Variants in DISP3 observed in about 807,000 individuals in gnomAD.
DISP3 encodes the protein protein dispatched homolog 3.
A neutral mutation model predicts 135.3 loss-of-function variants in DISP3; 101 were observed. The observed-to-expected ratio is 0.75, with a 90% CI of 0.64 to 0.88. DISP3 has a LOEUF of 0.88. DISP3 is among the 40% of genes least tolerant of loss of function. The pLI, the probability that DISP3 is intolerant of heterozygous loss-of-function variation, is 0.00. For synonymous variants in DISP3, 856 were observed against 817.0 expected (o/e 1.05, Z -0.81); for missense variants, 1,713 against 1,878.6 (o/e 0.91, Z 1.63).
rs371747443 is a variant in DISP3 at position 11,522,838 on chromosome 1, A to G, written c.2363-1104A>G. On this transcript the variant is annotated intron_variant, in intron 10 of 20. Coordinates refer to ENST00000294484, the MANE Select transcript of DISP3 (RefSeq NM_020780.2). ...AGGACCCAGCCAGAGCCCAGCCAGG[A>G]CCCAGCCAGAGCCCAGCCAGGACCC... is the stretch of plus-strand genomic sequence containing the variant. Among the ~76,000 whole-genome samples the G allele has an allele frequency of 7.0e-3, 201 of 28,860 alleles. 1 individual carries two copies. The highest frequency in any genetic ancestry group is 0.013 in the African/African-American group (107 of 7,950). 18.9% of individuals were successfully genotyped at this position (28,860 alleles called of 152,430 possible). A position where few individuals can be genotyped will look rare whatever the true frequency, so the allele number is the denominator to read the frequency against.
chr1:11,484,216 T>C (rs1298436218), intron 1 of DISP3, among the ~76,000 whole-genome samples: 1 of 152,192 alleles, frequency 6.6e-6, no homozygotes, highest in East Asian at 1.9e-4. Context: ...GGAGGTGCTC[T>C]GATTCCATTT....
At chr1:11,532,099 G>A (rs1017801428) in intron 17 of DISP3, among the ~76,000 whole-genome samples, 51 of 152,194 alleles carry the variant, frequency 3.4e-4, no homozygotes, top group African/African-American at 1.2e-3. Context: ...CCTTAGGGTG[G>A]CCAGGAGTCC....
intron 17 of DISP3, among the ~76,000 whole-genome samples, chr1:11,532,255 C>T (rs1289375299): frequency 6.6e-6 from 1 of 152,230 alleles, no homozygotes; most frequent in Non-Finnish European, 1.5e-5. Flanking sequence ...GGCCCTGGCA[C>T]ATGGCTCTCC....
chr1:11,502,523 C>T (rs182492965), intron 2 of DISP3, among the ~76,000 whole-genome samples, 155 bp from the exon 3 acceptor site: 85 of 151,926 alleles, frequency 5.6e-4, no homozygotes, highest in African/African-American at 1.9e-3. Flanking sequence ...GGGGCAGGGT[C>T]AGAGAGAGGT....
Position 11,531,838 on chromosome 1 carries a change from G to T in DISP3, c.3375+128G>T, listed in dbSNP as rs1460572096. 2 of 1,322,948 alleles carry T rather than the reference G, an allele frequency of 1.5e-6. No individual in the cohort carries two copies. The highest frequency in any genetic ancestry group is 5.1e-5 in the East Asian group (2 of 39,064). 82.0% of individuals were successfully genotyped at this position (1,322,948 alleles called of 1,614,324 possible). A position where few individuals can be genotyped will look rare whatever the true frequency, so the allele number is the denominator to read the frequency against. ...CCCAGAGAGGTGGAGTGACTTGCCT[G>T]AGGTCACATAGTTAGTGGGTGTCAG... On this transcript the variant is annotated intron_variant, in intron 17 of 20. Coordinates refer to ENST00000294484, the MANE Select transcript of DISP3 (RefSeq NM_020780.2). This position sits in a 1 kb window ranked among gnomAD's most constrained non-coding sequence, Gnocchi z 5.2.
rs762027682 is a variant in DISP3, at chr1:11,535,021, C to T, written c.3546C>T (p.Ser1182=). 8 of 1,585,504 alleles carry T rather than the reference C, an allele frequency of 5.0e-6. No homozygotes were observed. In the South Asian group the frequency reaches 8.0e-5, roughly 16 times the overall value. Residue 1182 remains serine, a synonymous_variant, in exon 19 of 21, where the codon AGC becomes AGT. Coordinates refer to ENST00000294484, the MANE Select transcript of DISP3 (RefSeq NM_020780.2). The part of the protein sequence containing the change: ...QIFMEIVGVQ[S]ALCGLVLSLL... ...TGTCCTCCCTTGCAGGGGTGCAGAG[C>T]GCCCTGTGCGGCCTGGTGCTATCCC...
chr1:11,534,457 T>C lies in DISP3; in HGVS notation c.3452T>C (p.Leu1151Pro), dbSNP rs1369732050. The change falls in exon 18 of 21, where the codon CTG becomes CCG. Residue 1151 changes from leucine to proline, a missense_variant. This residue lies in a region of DISP3 where 1,142 missense variants were observed against 1,384.6 expected (regional missense o/e 0.82). Coordinates refer to ENST00000294484, the MANE Select transcript of DISP3 (RefSeq NM_020780.2). Reference protein sequence around the residue: ...LRWESFLQQQLQALPEGSVLR... With the variant: ...LRWESFLQQQPQALPEGSVLR... ...TGGGAGAGCTTCCTCCAGCAGCAGC[T>C]GCAGGCCTTGCCCGAGGGCTCAGTC... 6.2e-7 allele frequency: 1 copy of C among 1,614,066 alleles called. No individual in the cohort carries two copies. The highest frequency in any genetic ancestry group is 8.5e-7 in the Non-Finnish European group (1 of 1,180,038).
intron 12 of DISP3, 32 bp from the exon 13 acceptor site, chr1:11,526,619 A>G (rs1168111389): frequency 6.3e-7 from 1 of 1,595,876 alleles, no homozygotes; most frequent in East Asian, 2.3e-5. Context: ...CCCCCGAGTC[A>G]TGTGTCTTGT....
In DISP3 at chr1:11,490,297, C is replaced by T. The variant is rs182828528; in HGVS notation, c.-3-10693C>T. ...TGTTTTTGTTTTTGGGATGATGTTT[C>T]GCTCTTGTTGCCCAGGCTAGAGTGC... On this transcript the variant is annotated intron_variant, in intron 1 of 20. Coordinates refer to ENST00000294484, the MANE Select transcript of DISP3 (RefSeq NM_020780.2). 1.7e-3 allele frequency among the ~76,000 whole-genome samples: 263 copies of T among 152,114 alleles called. 1 individual carries two copies. The highest frequency in any genetic ancestry group is 6.1e-3 in the African/African-American group (255 of 41,466).
In DISP3 at chr1:11,529,413, G is replaced by A. The variant is rs1420907460; in HGVS notation, c.2799-143G>A. 10 of 1,042,176 alleles carry A rather than the reference G, an allele frequency of 9.6e-6. No individual in the cohort carries two copies. The highest frequency in any genetic ancestry group is 1.1e-5 in the Non-Finnish European group (8 of 717,780). 64.6% of individuals were successfully genotyped at this position (1,042,176 alleles called of 1,614,324 possible). On this transcript the variant is annotated intron_variant, in intron 13 of 20. Coordinates refer to ENST00000294484, the MANE Select transcript of DISP3 (RefSeq NM_020780.2). This position sits in a 1 kb window ranked among gnomAD's most constrained non-coding sequence, Gnocchi z 4.7. ...GCACATCCCCCAGCCCTCAACCTGA[G>A]AACAAATCCCCATGCCGGGGCAGAG...
rs762286824 is a variant in DISP3, at chr1:11,536,340, G to A, written c.3833G>A (p.Arg1278His). Residue 1278 changes from arginine to histidine, a missense_variant, in exon 21 of 21, where the codon CGC becomes CAC. By Grantham distance (29) the Arg-to-His change is conservative. Around this residue, in one of 2 missense-constraint regions of DISP3, gnomAD observed 1,142 missense variants for 1,384.6 expected, o/e 0.82. Coordinates refer to ENST00000294484, the MANE Select transcript of DISP3 (RefSeq NM_020780.2). The surrounding 1 kb of genome is among the most constrained non-coding windows in gnomAD (Gnocchi z 4.3). ...PHQAEDARTQ[R>H]QWRTLEAVRH... ...TGCCCCCAGGACGCCCGAACGCAGC[G>A]CCAGTGGCGTACGCTGGAGGCCGTG... is the stretch of plus-strand genomic sequence containing the variant. 1.2e-5 allele frequency: 20 copies of A among 1,602,288 alleles called. No homozygotes were observed. The East Asian group carries it at 1.8e-4, about 14-fold the overall frequency.
In DISP3 at chr1:11,501,975, GCTCCTA is replaced by G; in HGVS notation, c.992_997del (p.Ser331_Tyr332del). 1.2e-6 allele frequency: 2 copies of G among 1,613,908 alleles called. No homozygotes were observed. The highest frequency in any genetic ancestry group is 8.5e-7 in the Non-Finnish European group (1 of 1,179,992). On this transcript the variant is annotated inframe_deletion, in exon 2 of 21. Coordinates refer to ENST00000294484, the MANE Select transcript of DISP3 (RefSeq NM_020780.2). The surrounding 1 kb of genome is among the most constrained non-coding windows in gnomAD (Gnocchi z 4.9). ...GAGGTGCTCAAGGATCTGCCGCTGG[GCTCCTA>G]CTCCTACTGCTCGCCCCCCAGCTCG...
intron 6 of DISP3, 123 bp from the exon 7 acceptor site, chr1:11,517,340 C>T (rs1570116280): frequency 1.5e-6 from 2 of 1,321,368 alleles, no homozygotes; most frequent in African/African-American, 1.5e-5. Context: ...CCTGGGCCTC[C>T]TCCTACTGCC....
Position 11,501,958 on chromosome 1 carries a change from C to G in DISP3, c.966C>G (p.Leu322=), listed in dbSNP as rs369092440. 4 of 1,613,870 alleles carry G rather than the reference C, an allele frequency of 2.5e-6. No individual in the cohort carries two copies. The African/African-American group carries it at 4.0e-5, about 16-fold the overall frequency. ...REFCWKPHEV[L]KDLPLGSYSY... ...TCTGCTGGAAGCCCCACGAGGTGCT[C>G]AAGGATCTGCCGCTGGGCTCCTACT... is the stretch of plus-strand genomic sequence containing the variant. The change falls in exon 2 of 21, where the codon CTC becomes CTG. Residue 322 remains leucine (L), a synonymous_variant. Coordinates refer to ENST00000294484, the MANE Select transcript of DISP3 (RefSeq NM_020780.2). The surrounding 1 kb of genome is among the most constrained non-coding windows in gnomAD (Gnocchi z 4.9).
Position 11,515,379 on chromosome 1 carries a change from C to T in DISP3, c.1464C>T (p.Ser488=). The change falls in exon 5 of 21, where the codon TCC becomes TCT. Residue 488 remains serine (S), a synonymous_variant. Coordinates refer to ENST00000294484, the MANE Select transcript of DISP3 (RefSeq NM_020780.2). ...TCTTACCCTGCCCAGTGTTCCTGTC[C>T]TTCTTTGGGATTGCCAGCATTGGTC... ...YILTSCSVFL[S]FFGIASIGLS... 3.1e-6 allele frequency: 5 copies of T among 1,614,236 alleles called. No homozygotes were observed. In the South Asian group the frequency reaches 4.4e-5, roughly 14 times the overall value.
chr1:11,512,796 CTG>C (rs1466558991), intron 3 of DISP3, among the ~76,000 whole-genome samples: 2 of 152,122 alleles, frequency 1.3e-5, no homozygotes, highest in Non-Finnish European at 2.9e-5. Context: ...ATAACTGAAA[CTG>C]AGAACAAAAA....
At chr1:11,511,885 C>A (rs749798541) in intron 3 of DISP3, among the ~76,000 whole-genome samples, 7 of 152,172 alleles carry the variant, frequency 4.6e-5, no homozygotes, top group Non-Finnish European at 7.3e-5. Context: ...TGGAGGTTCC[C>A]AAATCTCAAT....
At chr1:11,490,637 A>G (rs539148402) in intron 1 of DISP3, among the ~76,000 whole-genome samples, 14 of 152,248 alleles carry the variant, frequency 9.2e-5, no homozygotes, top group Admixed American at 7.8e-4. Flanking sequence ...TGTGGGCTCC[A>G]GGCTCCAGTG....
rs202188093 is a variant in DISP3, at chr1:11,530,993, C to T, written c.3189C>T (p.Ser1063=). Residue 1063 remains serine, a synonymous_variant, in exon 16 of 21, where the codon TCC becomes TCT. Transcript: ENST00000294484. ...CHLCKAIAAN[S]ELVKPGGAQC... is the part of the protein sequence containing the mutation. Reference sequence around the variant, plus strand: ...TCTGCAAGGCCATCGCAGCCAACTCCGAGCTGGTGAAGCCGGGTGGGGCCC... The same window carrying T: ...TCTGCAAGGCCATCGCAGCCAACTCTGAGCTGGTGAAGCCGGGTGGGGCCC... 34 of 1,613,826 alleles carry T rather than the reference C, an allele frequency of 2.1e-5. No homozygotes were observed. The highest frequency in any genetic ancestry group is 1.3e-4 in the Admixed American group (8 of 59,998).
Sources: gnomAD v4.1 joint callset for allele counts (sites outside exome capture counted in the v4.1 genomes callset) on GRCh38, gnomAD v4.1.1 for gene constraint, gnomAD v4.1.1 regional missense constraint, Gnocchi (gnomAD v3.1) non-coding constraint, MANE v1.5 for transcripts, NCBI Gene and HGNC (gene_info 2026-07-23, HGNC 2026-07-21) for gene names.